The following SPON1 variants were observed in gnomAD, a reference collection of about 807,000 sequenced individuals.
SPON1 encodes spondin-1.
Under a neutral mutation model 111.7 loss-of-function variants are expected in SPON1, and 52 were observed. That is an observed-to-expected ratio of 0.47 (90% CI 0.37 to 0.59). The LOEUF is 0.59. SPON1 is among the 20% of genes least tolerant of loss of function. The pLI, the probability that SPON1 is intolerant of heterozygous loss-of-function variation, is 0.00. For missense variants in SPON1, 957 were observed against 1,068.5 expected, an observed-to-expected ratio of 0.90 and a Z score of 1.46; for synonymous variants, 410 against 395.8, an observed-to-expected ratio of 1.04 and a Z score of -0.43.
chr11:13,995,814 A>T (rs1414431914), intron 2 of SPON1, among the ~76,000 whole-genome samples: 2 of 152,174 alleles, frequency 1.3e-5, no homozygotes, highest in African/African-American at 4.8e-5. Flanking sequence ...ACCCTAGGGA[A>T]ATATTACCAT....
intron 5 of SPON1, among the ~76,000 whole-genome samples, chr11:14,087,076 T>G (rs181888986): frequency 1.8e-4 from 28 of 151,568 alleles, no homozygotes; most frequent in African/African-American, 6.5e-4. Context: ...TCTATTTTGT[T>G]AATTTTTTCA....
intron 5 of SPON1, among the ~76,000 whole-genome samples, chr11:14,107,987 A>T (rs1849198379): frequency 6.6e-6 from 1 of 152,196 alleles, no homozygotes; most frequent in African/African-American, 2.4e-5. Context: ...TCTGTAAAGC[A>T]GGGATAATCA....
intron 3 of SPON1, among the ~76,000 whole-genome samples, chr11:14,059,065 A>G (rs1374247089): frequency 3.9e-5 from 6 of 152,188 alleles, no homozygotes; most frequent in Admixed American, 2.0e-4. Flanking sequence ...CTGTTGGTGC[A>G]TCTTACCCAT....
At chr11:14,044,640 T>A (rs1848655104) in intron 3 of SPON1, among the ~76,000 whole-genome samples, 2 of 152,190 alleles carry the variant, frequency 1.3e-5, no homozygotes, top group South Asian at 4.2e-4. Context: ...ATAAAATCCA[T>A]AGCATCTCTC....
intron 3 of SPON1, among the ~76,000 whole-genome samples, chr11:14,057,389 G>C (rs1322278963): frequency 6.6e-6 from 1 of 152,170 alleles, no homozygotes; most frequent in Non-Finnish European, 1.5e-5. Flanking sequence ...GACTGAGGAA[G>C]ATTCTAGATT....
intron 11 of SPON1, 85 bp downstream of exon 11, chr11:14,257,983 G>A: frequency 7.7e-6 from 10 of 1,306,100 alleles, no homozygotes; most frequent in Non-Finnish European, 1.0e-5. Flanking sequence ...TGTCCCTGGT[G>A]AGGGCACAAG....
At chr11:14,113,568 ATTTTT>A (rs782780924) in intron 5 of SPON1, among the ~76,000 whole-genome samples, 3 of 74,750 alleles carry the variant, frequency 4.0e-5, no homozygotes, top group African/African-American at 1.6e-4. Context: ...TACTTTTTAA[ATTTTT>A]TTTTTTTTTT....
intron 3 of SPON1, among the ~76,000 whole-genome samples, chr11:14,049,019 A>G (rs1353813132): frequency 1.3e-5 from 2 of 152,224 alleles, no homozygotes; most frequent in Admixed American, 6.5e-5. Flanking sequence ...TGGGTGCACT[A>G]CAAATACTTA....
At position 14,041,717 on chromosome 11, in the gene SPON1, A is replaced by G. The variant is rs946839377; in HGVS notation, c.479+63A>G. 4.1e-6 allele frequency: 6 copies of G among 1,449,472 alleles called. No homozygotes were observed. In the Admixed American group the frequency reaches 1.4e-4, roughly 33 times the overall value. The allele number at this position is 1,449,472 out of a possible 1,614,324, so 89.8% of individuals were successfully genotyped here. ...AGACTTTGTGGTGTGATTGCAGGGA[A>G]AAAAAAAAAAGTTCTTTACTGAGCA... is the stretch of plus-strand genomic sequence containing the variant. On this transcript the variant is annotated intron_variant, in intron 3 of 15. Coordinates refer to ENST00000576479, the MANE Select transcript of SPON1 (RefSeq NM_006108.4).
rs527347423 is a variant in SPON1, at chr11:14,007,174, A to G, written c.345+24221A>G. 5.2e-4 allele frequency among the ~76,000 whole-genome samples: 79 copies of G among 152,326 alleles called. 2 individuals carry two copies. In the South Asian group the frequency reaches 0.016, roughly 32 times the overall value. ...CACAACCTAGATCCCTTGCATGTGCAGTTCACCATAGGGTTTGCACTTTTA... is the reference window on the plus strand; with the variant it reads ...CACAACCTAGATCCCTTGCATGTGCGGTTCACCATAGGGTTTGCACTTTTA... On this transcript the variant is annotated intron_variant, in intron 2 of 15. Transcript: ENST00000576479.
At chr11:14,144,769 A>C (rs1205301335) in intron 6 of SPON1, among the ~76,000 whole-genome samples, 1 of 152,180 alleles carries the variant, frequency 6.6e-6, no homozygotes, top group East Asian at 1.9e-4. Flanking sequence ...ACTTTGCAGA[A>C]TATTGTGTGA....
At chr11:14,103,041 A>G (rs1289453310) in intron 5 of SPON1, among the ~76,000 whole-genome samples, 1 of 152,004 alleles carries the variant, frequency 6.6e-6, no homozygotes, top group African/African-American at 2.4e-5. Context: ...GTGGTGATAT[A>G]AATGTTCTGC....
intron 6 of SPON1, among the ~76,000 whole-genome samples, chr11:14,151,478 G>A (rs941929195): frequency 2.6e-5 from 4 of 152,138 alleles, no homozygotes; most frequent in East Asian, 3.9e-4. Flanking sequence ...AGAGACCAAC[G>A]TATTTGTTCA....
At chr11:14,017,008 A>G (rs980219390) in intron 2 of SPON1, among the ~76,000 whole-genome samples, 1 of 152,134 alleles carries the variant, frequency 6.6e-6, no homozygotes, top group Non-Finnish European at 1.5e-5. Flanking sequence ...GTGCCCAGAG[A>G]TTGCTACGGT....
At chr11:14,263,597 A>G (rs939400775) in intron 15 of SPON1, among the ~76,000 whole-genome samples, 2 of 152,226 alleles carry the variant, frequency 1.3e-5, no homozygotes, top group African/African-American at 4.8e-5. Context: ...CTGACAAATA[A>G]CTAATAGAAC....
Position 14,135,656 on chromosome 11 carries a change from C to T in SPON1, c.825+88C>T, listed in dbSNP as rs1847583161. 4 of 1,359,940 alleles carry T rather than the reference C, an allele frequency of 2.9e-6. No homozygotes were observed. Among genetic ancestry groups the T allele is most frequent in the Admixed American group, 1.8e-5 (1 of 54,192 alleles). The allele number at this position is 1,359,940 out of a possible 1,614,324, so 84.2% of individuals were successfully genotyped here. On this transcript the variant is annotated intron_variant, in intron 6 of 15. Coordinates refer to ENST00000576479, the MANE Select transcript of SPON1 (RefSeq NM_006108.4). The surrounding 1 kb of genome is among the most constrained non-coding windows in gnomAD (Gnocchi z 4.4). ...ATCTTTCCCAGGGGCTTGAAATTTG[C>T]AGTACAATGTGGTGGAAGAAAATCT... is the stretch of plus-strand genomic sequence containing the variant.
At chr11:14,187,152 C>T (rs1188327337) in intron 6 of SPON1, among the ~76,000 whole-genome samples, 1 of 152,100 alleles carries the variant, frequency 6.6e-6, no homozygotes, top group African/African-American at 2.4e-5. Flanking sequence ...AGATGCCAGG[C>T]TCTTTTAAAC....
At chr11:14,098,411 G>A (rs532781902) in intron 5 of SPON1, among the ~76,000 whole-genome samples, 21 of 152,288 alleles carry the variant, frequency 1.4e-4, no homozygotes, top group Non-Finnish European at 2.6e-4. Flanking sequence ...TCCATTCTGT[G>A]ATGAGCCTAA....
In SPON1 at chr11:14,072,124, G is replaced by A. The variant is rs571525596; in HGVS notation, c.480-3221G>A. 4.6e-5 allele frequency among the ~76,000 whole-genome samples: 7 copies of A among 152,150 alleles called. No homozygotes were observed. The South Asian group carries it at 8.3e-4, about 18-fold the overall frequency. On this transcript the variant is annotated intron_variant, in intron 3 of 15. Coordinates refer to ENST00000576479, the MANE Select transcript of SPON1 (RefSeq NM_006108.4). ...AATTCCAAAACATATTCCAGACCAC[G>A]GGTTTTGGGTGAAGAATTTGAGGAC...
Sources: allele counts gnomAD v4.1 joint callset (sites outside exome capture counted in the v4.1 genomes callset), GRCh38; gene constraint gnomAD v4.1.1; non-coding constraint Gnocchi (gnomAD v3.1); transcripts MANE v1.5; gene names NCBI Gene and HGNC (gene_info 2026-07-23, HGNC 2026-07-21).